Variants in GFRAL observed in about 807,000 individuals in gnomAD.
The protein encoded by GFRAL is GDNF family receptor alpha like.
Under a neutral mutation model 45.4 loss-of-function variants are expected in GFRAL, and 36 were observed. The observed-to-expected ratio is 0.79, with a 90% CI of 0.61 to 1.05. The LOEUF is 1.05. GFRAL is among the 50% of genes least tolerant of loss of function. The pLI, the probability that GFRAL is intolerant of heterozygous loss-of-function variation, is 0.00. For missense variants in GFRAL, 507 were observed against 467.5 expected, an observed-to-expected ratio of 1.08 and a Z score of -0.78; for synonymous variants, 166 against 154.1, an observed-to-expected ratio of 1.08 and a Z score of -0.57.
intron 3 of GFRAL, among the ~76,000 whole-genome samples, chr6:55,349,700 C>G (rs1009284851): frequency 1.3e-5 from 2 of 151,546 alleles, no homozygotes; most frequent in Non-Finnish European, 2.9e-5. Flanking sequence ...TAAAGAAGAC[C>G]CTTCTGAGAA....
intron 5 of GFRAL, 110 bp downstream of exon 5, chr6:55,351,693 A>T: frequency 1.4e-6 from 1 of 692,236 alleles, no homozygotes; most frequent in East Asian, 2.7e-5. Context: ...CCATCATCCA[A>T]CATAGTGTAA....
rs548564493 is a variant in GFRAL at position 55,365,883 on chromosome 6, A to G, written c.952+6745A>G. On this transcript the variant is annotated intron_variant, in intron 6 of 8. Coordinates refer to ENST00000340465, the MANE Select transcript of GFRAL (RefSeq NM_207410.2). ...TTTTTTGCATCAATGTTCATCAAGG[A>G]TATTGGTCTAAAATTCTCTTTTTTT... Among the ~76,000 whole-genome samples the G allele has an allele frequency of 2.0e-5, 3 of 146,550 alleles. No homozygotes were observed. In the East Asian group the frequency reaches 5.9e-4, roughly 29 times the overall value.
At chr6:55,351,231 C>T in intron 4 of GFRAL, 22 bp from the exon 5 acceptor site, 3 of 1,520,576 alleles carry the variant, frequency 2.0e-6, no homozygotes, top group Non-Finnish European at 2.7e-6. Context: ...TTTCCACGAC[C>T]TGGGCATATC....
intron 6 of GFRAL, among the ~76,000 whole-genome samples, chr6:55,359,775 G>A (rs1354126972): frequency 6.6e-6 from 1 of 151,966 alleles, no homozygotes; most frequent in Non-Finnish European, 1.5e-5. Flanking sequence ...TAGCTGTCTA[G>A]TATCTGCTAC....
intron 6 of GFRAL, among the ~76,000 whole-genome samples, chr6:55,375,642 C>G (rs1467779543): frequency 6.6e-6 from 1 of 151,922 alleles, no homozygotes. Context: ...GCCAAAACTT[C>G]CAATACTATG....
At chr6:55,344,145 T>G (rs137864165) in intron 3 of GFRAL, among the ~76,000 whole-genome samples, 1,985 of 152,164 alleles carry the variant, frequency 0.013, 23 homozygotes, top group Non-Finnish European at 0.022. Context: ...CTGAAACTAT[T>G]CCAATCAATA....
Position 55,373,282 on chromosome 6 carries a change from G to A in GFRAL, c.952+14144G>A, listed in dbSNP as rs549309903. Among the ~76,000 whole-genome samples the A allele has an allele frequency of 9.9e-5, 15 of 152,130 alleles. No individual in the cohort carries two copies. In the East Asian group the frequency reaches 1.9e-3, roughly 20 times the overall value. ...TCCTCTGAAAGGTTCTTCCTTGACC[G>A]TATTTTTCCACGGCCATATCTGAAA... On this transcript the variant is annotated intron_variant, in intron 6 of 8. Coordinates refer to ENST00000340465, the MANE Select transcript of GFRAL (RefSeq NM_207410.2).
chr6:55,355,230 T>G (rs1948780), intron 5 of GFRAL, among the ~76,000 whole-genome samples: 12,367 of 151,480 alleles, frequency 0.082, 538 homozygotes, highest in South Asian at 0.12. Flanking sequence ...TGTTAGGGAG[T>G]CGGGGGCGAG....
At chr6:55,358,611 T>G (rs1768227793) in intron 5 of GFRAL, among the ~76,000 whole-genome samples, 1 of 151,950 alleles carries the variant, frequency 6.6e-6, no homozygotes, top group Admixed American at 6.6e-5. Context: ...AGTCATACAT[T>G]GGAATAAAAT....
chr6:55,350,205 A>C, intron 4 of GFRAL, 60 bp downstream of exon 4: 1 of 1,008,292 alleles, frequency 9.9e-7, no homozygotes. Flanking sequence ...TATAAAATGC[A>C]GTTACCAGGC....
intron 6 of GFRAL, among the ~76,000 whole-genome samples, chr6:55,395,015 T>C (rs1327552986): frequency 1.3e-5 from 2 of 152,068 alleles, no homozygotes; most frequent in African/African-American, 4.8e-5. Context: ...TTCTTTCTGA[T>C]GGAGGTTCCC....
At chr6:55,337,210 T>A (rs983901533) in intron 3 of GFRAL, among the ~76,000 whole-genome samples, 1 of 152,170 alleles carries the variant, frequency 6.6e-6, no homozygotes, top group African/African-American at 2.4e-5. Context: ...GTTTTTTATA[T>A]GGCGAAATTC....
intron 3 of GFRAL, among the ~76,000 whole-genome samples, chr6:55,338,103 T>G (rs1767914514): frequency 6.6e-6 from 1 of 152,154 alleles, no homozygotes; most frequent in African/African-American, 2.4e-5. Context: ...ATTATTATTA[T>G]ATTTTGAGGC....
At chr6:55,397,244 C>A (rs890833147) in intron 6 of GFRAL, among the ~76,000 whole-genome samples, 1 of 139,292 alleles carries the variant, frequency 7.2e-6, no homozygotes, top group African/African-American at 2.8e-5. Context: ...GCCGGCCGGG[C>A]GCGGTGGCTC....
chr6:55,385,842 T>C (rs1404193686), intron 6 of GFRAL, among the ~76,000 whole-genome samples: 1 of 152,066 alleles, frequency 6.6e-6, no homozygotes, highest in Non-Finnish European at 1.5e-5. Context: ...AGTTATCTTC[T>C]CCCTAGAGCT....
intron 1 of GFRAL, among the ~76,000 whole-genome samples, chr6:55,328,453 G>C (rs974260401): frequency 2.0e-5 from 3 of 151,836 alleles, no homozygotes; most frequent in Non-Finnish European, 4.4e-5. Context: ...CATAAAAGGA[G>C]AGTCATATCA....
intron 6 of GFRAL, among the ~76,000 whole-genome samples, chr6:55,392,295 A>C (rs1163076499): frequency 6.6e-6 from 1 of 152,220 alleles, no homozygotes; most frequent in East Asian, 1.9e-4. Context: ...GAGCAAGGTC[A>C]TGCATCATTT....
At chr6:55,339,806 C>T (rs1162146523) in intron 3 of GFRAL, among the ~76,000 whole-genome samples, 1 of 152,106 alleles carries the variant, frequency 6.6e-6, no homozygotes, top group South Asian at 2.1e-4. Context: ...GACATCTGAA[C>T]TTAATAGCCT....
intron 2 of GFRAL, among the ~76,000 whole-genome samples, chr6:55,333,235 A>G (rs563835528): frequency 6.6e-6 from 1 of 152,280 alleles, no homozygotes; most frequent in African/African-American, 2.4e-5. Flanking sequence ...AAATAAAAGA[A>G]AATGTTCAGG....
Sources: allele counts gnomAD v4.1 joint callset (sites outside exome capture counted in the v4.1 genomes callset), GRCh38; gene constraint gnomAD v4.1.1; transcripts MANE v1.5; gene names NCBI Gene and HGNC (gene_info 2026-07-23, HGNC 2026-07-21).